ADGRB3: variants seen among roughly 807,000 people sequenced by gnomAD.
The protein encoded by ADGRB3 is adhesion G protein-coupled receptor B3, also known as brain-specific angiogenesis inhibitor 3.
In ADGRB3, 37 loss-of-function variants were observed where a neutral mutation model predicts 193.4. The ratio of observed to expected loss-of-function variants is 0.19; its 90% CI spans 0.15 to 0.25. The LOEUF (loss-of-function observed/expected upper bound fraction) is 0.25. Ranked by LOEUF, ADGRB3 falls within the 10% of genes least tolerant of loss-of-function variation. The pLI, the probability that ADGRB3 is intolerant of heterozygous loss-of-function variation, is 1.00. For missense variants in ADGRB3, 1,637 were observed against 1,852.9 expected, an observed-to-expected ratio of 0.88 and a Z score of 2.14; for synonymous variants, 690 against 644.2, an observed-to-expected ratio of 1.07 and a Z score of -1.08.
intron 17 of ADGRB3, among the ~76,000 whole-genome samples, chr6:69,185,994 T>C (rs1200617436): frequency 6.6e-6 from 1 of 152,056 alleles, no homozygotes; most frequent in Admixed American, 6.6e-5. Context: ...GCTTTAGATT[T>C]GAAAACACAC....
chr6:69,111,827 A>G (rs1773374693), intron 17 of ADGRB3, among the ~76,000 whole-genome samples: 1 of 152,208 alleles, frequency 6.6e-6, no homozygotes, highest in African/African-American at 2.4e-5. Context: ...GCTTAAAAAA[A>G]CCCTTCTATG....
intron 20 of ADGRB3, among the ~76,000 whole-genome samples, chr6:69,293,443 A>G (rs1014007887): frequency 3.3e-5 from 5 of 152,178 alleles, no homozygotes; most frequent in Admixed American, 1.3e-4. Context: ...TTCCCTGTCC[A>G]CAAGTGCTTC....
At chr6:68,963,139 G>C (rs1768280775) in intron 8 of ADGRB3, among the ~76,000 whole-genome samples, 1 of 152,120 alleles carries the variant, frequency 6.6e-6, no homozygotes, top group African/African-American at 2.4e-5. Context: ...CCTGCCACCA[G>C]CTTCCAGTAA....
chr6:68,910,261 T>G (rs970475666), intron 3 of ADGRB3, among the ~76,000 whole-genome samples: 6 of 152,220 alleles, frequency 3.9e-5, no homozygotes, highest in African/African-American at 1.4e-4. Context: ...TTGTTTGTTT[T>G]TTTCTTGTTA....
At chr6:69,371,270 A>G (rs1422420835) in intron 29 of ADGRB3, among the ~76,000 whole-genome samples, 1 of 152,092 alleles carries the variant, frequency 6.6e-6, no homozygotes, top group Non-Finnish European at 1.5e-5. Flanking sequence ...TGTAATGACA[A>G]TTTTAACTGT....
At chr6:69,126,460 T>C (rs954552765) in intron 17 of ADGRB3, among the ~76,000 whole-genome samples, 1 of 152,206 alleles carries the variant, frequency 6.6e-6, no homozygotes, top group African/African-American at 2.4e-5. Flanking sequence ...CAAAGGTCTA[T>C]GAACCTGGCA....
intron 3 of ADGRB3, among the ~76,000 whole-genome samples, chr6:68,897,856 CAAAAGAA>C (rs1398396853): frequency 2.3e-5 from 3 of 132,948 alleles, no homozygotes; most frequent in Non-Finnish European, 5.0e-5. Context: ...AAGAAGAAAA[CAAAAGAA>C]AAAAGAAAGA....
chr6:69,104,099 A>C lies in ADGRB3; in HGVS notation c.2480+28061A>C, dbSNP rs1043666518. 8.2e-4 allele frequency among the ~76,000 whole-genome samples: 124 copies of C among 151,970 alleles called. 1 individual carries two copies. Among genetic ancestry groups the C allele is most frequent in the African/African-American group, 2.9e-3 (119 of 41,470 alleles). ...TGTGCACATTGTGCAGGTTAGTTACATATGTATACATGTGCCATGCTGGTG... is the reference window on the plus strand; with the variant it reads ...TGTGCACATTGTGCAGGTTAGTTACCTATGTATACATGTGCCATGCTGGTG... On this transcript the variant is annotated intron_variant, in intron 17 of 31. Transcript: ENST00000370598.
At chr6:68,962,321 G>T (rs920766940) in intron 8 of ADGRB3, among the ~76,000 whole-genome samples, 3 of 152,038 alleles carry the variant, frequency 2.0e-5, no homozygotes, top group Non-Finnish European at 4.4e-5. Context: ...GAGTTGTATG[G>T]GCAGACTTGG....
intron 20 of ADGRB3, among the ~76,000 whole-genome samples, chr6:69,263,566 C>T (rs1483503013): frequency 6.6e-6 from 1 of 151,940 alleles, no homozygotes; most frequent in Admixed American, 6.6e-5. Flanking sequence ...GCCTCATGTG[C>T]AAGTCTTGCA....
At chr6:68,755,368 C>T (rs1287699301) in intron 3 of ADGRB3, among the ~76,000 whole-genome samples, 1 of 152,088 alleles carries the variant, frequency 6.6e-6, no homozygotes. Flanking sequence ...TTTGACCTGA[C>T]TGGGCAGGAA....
chr6:68,926,487 T>A (rs575471227), intron 3 of ADGRB3, among the ~76,000 whole-genome samples: 2 of 152,208 alleles, frequency 1.3e-5, no homozygotes, highest in East Asian at 3.9e-4. Flanking sequence ...GGTGCAGTGG[T>A]TTTACGAATC....
chr6:69,003,111 C>A (rs1769630851), intron 11 of ADGRB3, among the ~76,000 whole-genome samples: 1 of 152,126 alleles, frequency 6.6e-6, no homozygotes, highest in African/African-American at 2.4e-5. Context: ...GAGGGTTAAA[C>A]TTTCTATGTC....
At chr6:68,682,032 T>C (rs1258880398) in intron 3 of ADGRB3, among the ~76,000 whole-genome samples, 1 of 152,194 alleles carries the variant, frequency 6.6e-6, no homozygotes, top group South Asian at 2.1e-4. Context: ...TCCACTGTCA[T>C]GGTTGACCAT....
rs774544538 is a variant in ADGRB3, at chr6:68,993,873, G to C, written c.1840G>C (p.Gly614Arg). The change falls in exon 11 of 32, where the codon GGC becomes CGC. Residue 614 changes from glycine (G) to arginine (R), a missense_variant. By Grantham distance (125) the Gly-to-Arg change is moderately radical. This residue lies in a region of ADGRB3 where 641 missense variants were observed against 673.9 expected (regional missense o/e 0.95). Coordinates refer to ENST00000370598, the MANE Select transcript of ADGRB3 (RefSeq NM_001704.3). ...DLTQRKNFYA[G>R]DLLMSVEILR... is the part of the protein sequence containing the mutation. Reference sequence around the variant, plus strand: ...AACTCAGAGAAAAAATTTCTATGCAGGCGATCTTCTGATGTCTGTGGAGAT... The same window carrying C: ...AACTCAGAGAAAAAATTTCTATGCACGCGATCTTCTGATGTCTGTGGAGAT... The C allele has an allele frequency of 6.2e-7, 1 of 1,613,966 alleles. No individual in the cohort carries two copies. Among genetic ancestry groups the C allele is most frequent in the Non-Finnish European group, 8.5e-7 (1 of 1,179,890 alleles).
intron 3 of ADGRB3, among the ~76,000 whole-genome samples, chr6:68,697,060 C>T (rs769325005): frequency 2.0e-5 from 3 of 151,928 alleles, no homozygotes; most frequent in Admixed American, 2.0e-4. Context: ...CTCTCAGGAA[C>T]TGTGTGTTGG....
At chr6:69,209,068 G>A (rs138778709) in intron 17 of ADGRB3, among the ~76,000 whole-genome samples, 162 of 152,230 alleles carry the variant, frequency 1.1e-3, no homozygotes, top group African/African-American at 3.9e-3. Flanking sequence ...CCTGCCAAAG[G>A]CTCCAAACAG....
At chr6:68,768,369 G>T (rs1766552235) in intron 3 of ADGRB3, among the ~76,000 whole-genome samples, 1 of 151,916 alleles carries the variant, frequency 6.6e-6, no homozygotes, top group African/African-American at 2.4e-5. Context: ...CAGAAGAGAG[G>T]CCTCAGAAAA....
At chr6:68,661,303 ATATGTG>A (rs1357479952) in intron 3 of ADGRB3, among the ~76,000 whole-genome samples, 1 of 136,936 alleles carries the variant, frequency 7.3e-6, no homozygotes, top group African/African-American at 2.9e-5. Context: ...ATATATATAT[ATATGTG>A]TGTGTGTGTG....
Sources: gnomAD v4.1 joint callset for allele counts (sites outside exome capture counted in the v4.1 genomes callset) on GRCh38, gnomAD v4.1.1 for gene constraint, gnomAD v4.1.1 regional missense constraint, MANE v1.5 for transcripts, NCBI Gene and HGNC (gene_info 2026-07-23, HGNC 2026-07-21) for gene names.